CNPY1: variants seen among roughly 807,000 people sequenced by gnomAD.
CNPY1 encodes canopy FGF signaling regulator 1.
Under a neutral mutation model 14.4 loss-of-function variants are expected in CNPY1, and 14 were observed. The observed-to-expected ratio is 0.97, with a 90% confidence interval of 0.64 to 1.52. CNPY1 has a LOEUF of 1.52. Ranked by LOEUF, CNPY1 falls within the 40% of genes most tolerant of loss-of-function variation. CNPY1 has a pLI of 0.00. For synonymous variants in CNPY1, 43 were observed against 46.5 expected, an observed-to-expected ratio of 0.92 and a Z score of 0.31; for missense variants, 129 against 131.5, an observed-to-expected ratio of 0.98 and a Z score of 0.09.
At chr7:155,529,261 T>C (rs1426449961) in intron 2 of CNPY1, among the ~76,000 whole-genome samples, 1 of 152,090 alleles carries the variant, frequency 6.6e-6, no homozygotes, top group East Asian at 1.9e-4. Context: ...TGATCCACAT[T>C]ATGTGGGCTG....
chr7:155,520,428 C>CTTTTTTTTTTTTTTTTTTTTTT (rs71522007), intron 2 of CNPY1, among the ~76,000 whole-genome samples: 4 of 69,412 alleles, frequency 5.8e-5, no homozygotes, highest in Non-Finnish European at 7.3e-5. Flanking sequence ...TTCTTTCTTT[C>CTTTTTTTTTTTTTTTTTTTTTT]TTTTTTTTTT....
intron 2 of CNPY1, among the ~76,000 whole-genome samples, chr7:155,541,167 A>T (rs1436781784): frequency 6.6e-6 from 1 of 152,102 alleles, no homozygotes. Context: ...TGAACTCTGG[A>T]CTTTAGTGAG....
intron 3 of CNPY1, among the ~76,000 whole-genome samples, chr7:155,507,796 G>A (rs777934771): frequency 6.6e-5 from 10 of 152,164 alleles, no homozygotes; most frequent in Non-Finnish European, 1.5e-4. Flanking sequence ...ACTGAAGTAT[G>A]TTTCTTTGTT....
rs1409137769 is a variant in CNPY1 at position 155,514,170 on chromosome 7, G to GTCCA, written c.100-5074_100-5073insTGGA. Among the ~76,000 whole-genome samples the GTCCA allele has an allele frequency of 3.9e-5, 6 of 152,212 alleles. No individual in the cohort carries two copies. The East Asian group carries it at 9.6e-4, about 24-fold the overall frequency. On this transcript the variant is annotated intron_variant, in intron 2 of 4. Transcript: ENST00000636446. ...CATAAACGGAGCATGATGCGAATGT[G>GTCCA]TTCATTCATTCAACAAATATTTACT...
At position 155,507,107 on chromosome 7, in the gene CNPY1, T is replaced by C. The variant is rs763554279; in HGVS notation, c.313A>G (p.Ile105Val). 28 of 1,596,400 alleles carry C rather than the reference T, an allele frequency of 1.8e-5. No individual in the cohort carries two copies. Among genetic ancestry groups the C allele is most frequent in the East Asian group, 2.2e-5 (1 of 44,792 alleles). ...YRPLKFACET[I>V]IEEYEDEISS... The stretch of plus-strand genomic sequence containing the variant: ...ATTTCATCTTCATACTCTTCTATTA[T>C]AGTTTCACACTGTAGAAACATAATA... Residue 105 changes from isoleucine to valine, a missense_variant, in exon 4 of 5, where the codon ATA becomes GTA. Coordinates refer to ENST00000636446, the MANE Select transcript of CNPY1 (RefSeq NM_001393663.1).
chr7:155,510,406 G>GA (rs1373677636), intron 2 of CNPY1: 4 of 152,164 alleles, frequency 2.6e-5, no homozygotes, highest in African/African-American at 9.7e-5. Context: ...CATTCTAAAA[G>GA]AAACTTGGGA....
intron 2 of CNPY1, among the ~76,000 whole-genome samples, chr7:155,521,765 T>C (rs1247144048): frequency 6.6e-6 from 1 of 152,250 alleles, no homozygotes; most frequent in Non-Finnish European, 1.5e-5. Flanking sequence ...ATTTGCGTAC[T>C]GTCCCCAGCT....
chr7:155,509,250 T>C (rs1445504858), intron 2 of CNPY1, among the ~76,000 whole-genome samples, 153 bp from the exon 3 acceptor site: 1 of 152,228 alleles, frequency 6.6e-6, no homozygotes, highest in African/African-American at 2.4e-5. Context: ...CCGCAGATTG[T>C]TATTACAATG....
Position 155,502,806 on chromosome 7 carries a change from T to C in CNPY1, c.*262A>G, listed in dbSNP as rs1474278592. The C allele has an allele frequency of 4.1e-6, 2 of 484,330 alleles. No homozygotes were observed. Among genetic ancestry groups the C allele is most frequent in the Non-Finnish European group, 7.3e-6 (2 of 272,862 alleles). 30.0% of individuals were successfully genotyped at this position (484,330 alleles called of 1,614,324 possible). A position where few individuals can be genotyped will look rare whatever the true frequency, so the allele number is the denominator to read the frequency against. On this transcript the variant is annotated 3_prime_UTR_variant, in exon 5 of 5. Transcript: ENST00000636446. ...TTTTCCTCAATACAGAATTAAATCC[T>C]CTATTGTCAAGCTTGATTTATCAAA...
intron 4 of CNPY1, among the ~76,000 whole-genome samples, chr7:155,503,759 C>T (rs986992794): frequency 6.6e-6 from 1 of 152,126 alleles, no homozygotes; most frequent in Admixed American, 6.6e-5. Flanking sequence ...GCAAATTCAT[C>T]AGTGATGATG....
intron 2 of CNPY1, among the ~76,000 whole-genome samples, chr7:155,545,300 C>T (rs565054979): frequency 2.0e-5 from 3 of 152,180 alleles, no homozygotes; most frequent in African/African-American, 7.2e-5. Context: ...TCTTAGACTC[C>T]ACCCTTCCAG....
chr7:155,525,817 A>C (rs1796809726), intron 2 of CNPY1, among the ~76,000 whole-genome samples: 2 of 152,372 alleles, frequency 1.3e-5, no homozygotes, highest in Non-Finnish European at 2.9e-5. Context: ...TCATTAAATT[A>C]AATACCCAGT....
At chr7:155,523,914 G>A (rs1427077148) in intron 2 of CNPY1, among the ~76,000 whole-genome samples, 1 of 152,174 alleles carries the variant, frequency 6.6e-6, no homozygotes, top group Non-Finnish European at 1.5e-5. Flanking sequence ...GAAAGGCTGT[G>A]GCACTACAGA....
At chr7:155,527,145 G>A (rs986436654) in intron 2 of CNPY1, among the ~76,000 whole-genome samples, 2 of 147,844 alleles carry the variant, frequency 1.4e-5, no homozygotes, top group African/African-American at 2.5e-5. Context: ...TCTACCTCAC[G>A]GGTTCAAGCG....
chr7:155,520,441 T>C (rs1413406106), intron 2 of CNPY1, among the ~76,000 whole-genome samples: 1 of 138,984 alleles, frequency 7.2e-6, no homozygotes, highest in Non-Finnish European at 1.6e-5. Context: ...TTTTTTTTTT[T>C]TTTTTTTTTT....
At chr7:155,515,505 G>A (rs1364360015) in intron 2 of CNPY1, among the ~76,000 whole-genome samples, 1 of 152,102 alleles carries the variant, frequency 6.6e-6, no homozygotes, top group Non-Finnish European at 1.5e-5. Context: ...CTAGGGACCC[G>A]GGGACCGCAG....
chr7:155,531,841 C>G (rs142835264), intron 2 of CNPY1, among the ~76,000 whole-genome samples: 3 of 152,318 alleles, frequency 2.0e-5, no homozygotes, highest in African/African-American at 2.4e-5. Flanking sequence ...AGAAAAGGCT[C>G]GTTTTGCTTC....
intron 2 of CNPY1, among the ~76,000 whole-genome samples, 158 bp downstream of exon 2, chr7:155,545,673 A>G (rs1315278325): frequency 6.6e-6 from 1 of 152,250 alleles, no homozygotes; most frequent in East Asian, 1.9e-4. Flanking sequence ...TCAAGCTTAA[A>G]GATTACTTTG....
In CNPY1 at chr7:155,526,438, A is replaced by G. The variant is rs572406843; in HGVS notation, c.100-17341T>C. ...TGCCTTCGTGGACGGGGAGGTGTCCATGGGGGAGAGGAGCCACCGCACACA... is the reference window on the plus strand; with the variant it reads ...TGCCTTCGTGGACGGGGAGGTGTCCGTGGGGGAGAGGAGCCACCGCACACA... On this transcript the variant is annotated intron_variant, in intron 2 of 4. Transcript: ENST00000636446. Among the ~76,000 whole-genome samples the G allele has an allele frequency of 4.6e-5, 7 of 152,304 alleles. No homozygotes were observed. In the East Asian group the frequency reaches 7.7e-4, roughly 17 times the overall value.
Sources: gnomAD v4.1 joint callset for allele counts (sites outside exome capture counted in the v4.1 genomes callset) on GRCh38, gnomAD v4.1.1 for gene constraint, MANE v1.5 for transcripts, NCBI Gene and HGNC (gene_info 2026-07-23, HGNC 2026-07-21) for gene names.